Variants in FSIP1 observed in about 807,000 individuals in gnomAD.
FSIP1 encodes fibrous sheath interacting protein 1.
Under a neutral mutation model 60.9 loss-of-function variants are expected in FSIP1, and 65 were observed. That is an observed-to-expected ratio of 1.07 (90% confidence interval 0.87 to 1.31). The LOEUF is 1.31. FSIP1 is among the 40% of genes most tolerant of loss of function. The pLI is 0.00. For missense variants in FSIP1, 675 were observed against 665.5 expected (o/e 1.01, Z -0.16); for synonymous variants, 209 against 221.2 (o/e 0.94, Z 0.49).
intron 9 of FSIP1, among the ~76,000 whole-genome samples, chr15:39,715,050 T>C (rs1230733086): frequency 6.6e-6 from 1 of 151,722 alleles, no homozygotes; most frequent in Non-Finnish European, 1.5e-5. Flanking sequence ...ACTACTGACT[T>C]AGGTTGCTGC....
chr15:39,723,846 C>G (rs1186250414), intron 9 of FSIP1, among the ~76,000 whole-genome samples: 2 of 152,146 alleles, frequency 1.3e-5, no homozygotes, highest in Non-Finnish European at 2.9e-5. Context: ...AAAAGTAGTC[C>G]AATCCAAAAA....
At chr15:39,734,179 G>A (rs1385523727) in intron 8 of FSIP1, among the ~76,000 whole-genome samples, 1 of 152,126 alleles carries the variant, frequency 6.6e-6, no homozygotes, top group Non-Finnish European at 1.5e-5. Flanking sequence ...GATTTTGCAA[G>A]TAGAATTTAG....
At chr15:39,757,354 T>C (rs1897331519) in intron 5 of FSIP1, among the ~76,000 whole-genome samples, 1 of 152,054 alleles carries the variant, frequency 6.6e-6, no homozygotes, top group African/African-American at 2.4e-5. Flanking sequence ...ATACCAGGAA[T>C]ATGAGACTTT....
At chr15:39,769,265 C>G (rs964860984) in intron 3 of FSIP1, among the ~76,000 whole-genome samples, 4 of 143,774 alleles carry the variant, frequency 2.8e-5, no homozygotes, top group African/African-American at 1.0e-4. Context: ...GGCGACAGAG[C>G]GAGACTCCGT....
At chr15:39,710,404 A>C (rs1895450539) in intron 10 of FSIP1, among the ~76,000 whole-genome samples, 1 of 148,412 alleles carries the variant, frequency 6.7e-6, no homozygotes, top group Admixed American at 6.9e-5. Flanking sequence ...GACTACCTGC[A>C]CTCCAACTTG....
intron 11 of FSIP1, among the ~76,000 whole-genome samples, chr15:39,601,909 T>C (rs1890654418): frequency 6.6e-6 from 1 of 152,144 alleles, no homozygotes; most frequent in Non-Finnish European, 1.5e-5. Flanking sequence ...GGGAAGTGAT[T>C]ACTAATACCC....
intron 5 of FSIP1, among the ~76,000 whole-genome samples, chr15:39,756,504 T>A (rs781703039): frequency 6.6e-6 from 1 of 152,172 alleles, no homozygotes; most frequent in South Asian, 2.1e-4. Flanking sequence ...GCTTGGCTAA[T>A]TTTTAAATAT....
At position 39,770,582 on chromosome 15, in the gene FSIP1, C is replaced by T. The variant is rs369173704; in HGVS notation, c.155G>A (p.Gly52Asp). The change falls in exon 3 of 12, where the codon GGT (glycine) becomes GAT (aspartate). Residue 52 changes from glycine (G) to aspartate (D), a missense_variant. By Grantham distance (94) the Gly-to-Asp change is moderately conservative (BLOSUM62 -1). Coordinates refer to ENST00000350221, the MANE Select transcript of FSIP1 (RefSeq NM_152597.5). The part of the protein sequence containing the change: ...KVDTASNLNS[G>D]KEDHSESSNT... ...ACTGCTTTCGGAGTGGTCCTCTTTA[C>T]CAGAGTTCAAGTTGCTTGCAGTATC... 39 of 1,559,856 alleles carry T rather than the reference C, an allele frequency of 2.5e-5. No homozygotes were observed. The highest frequency in any genetic ancestry group is 3.1e-5 in the Non-Finnish European group (36 of 1,158,192).
chr15:39,745,573 C>T (rs1288765528), intron 5 of FSIP1, among the ~76,000 whole-genome samples: 1 of 152,038 alleles, frequency 6.6e-6, no homozygotes, highest in Non-Finnish European at 1.5e-5. Flanking sequence ...GCTCAGAGTC[C>T]CAGGTGGGAA....
chr15:39,781,952 C>G (rs1320147031), intron 1 of FSIP1, among the ~76,000 whole-genome samples: 1 of 152,194 alleles, frequency 6.6e-6, no homozygotes, highest in Non-Finnish European at 1.5e-5. Context: ...ATGGGTGAGG[C>G]TTACCATAAG....
chr15:39,748,196 G>A (rs16969789), intron 5 of FSIP1, among the ~76,000 whole-genome samples: 10,171 of 151,620 alleles, frequency 0.067, 788 homozygotes, highest in Admixed American at 0.21. Context: ...CAAATAATAC[G>A]CATTTTCTAC....
At chr15:39,782,576 T>TCGGCG (rs1387746885) in intron 1 of FSIP1, 52 bp downstream of exon 1, 1 of 138,330 alleles carries the variant, frequency 7.2e-6, no homozygotes, top group African/African-American at 2.7e-5. Flanking sequence ...CGCCCACTCC[T>TCGGCG]CGGCGCACCG....
At chr15:39,708,447 C>T (rs1420936291) in intron 10 of FSIP1, among the ~76,000 whole-genome samples, 2 of 152,308 alleles carry the variant, frequency 1.3e-5, no homozygotes, top group African/African-American at 2.4e-5. Context: ...ACCAGAAATA[C>T]GTCTCTTTTT....
intron 8 of FSIP1, 124 bp downstream of exon 8, chr15:39,737,967 T>C (rs1301796118): frequency 1.7e-6 from 1 of 595,964 alleles, no homozygotes; most frequent in Non-Finnish European, 2.8e-6. Context: ...AGGGTTTTTT[T>C]AAAATCAAAG....
At chr15:39,636,680 TACCCAA>T (rs1892152953) in intron 10 of FSIP1, among the ~76,000 whole-genome samples, 1 of 152,200 alleles carries the variant, frequency 6.6e-6, no homozygotes, top group Non-Finnish European at 1.5e-5. Context: ...TTTCTCTAAA[TACCCAA>T]ACCAAATACC....
intron 8 of FSIP1, among the ~76,000 whole-genome samples, chr15:39,728,150 T>C (rs534020376): frequency 1.3e-5 from 2 of 152,218 alleles, no homozygotes; most frequent in African/African-American, 4.8e-5. Context: ...CACAAACAAA[T>C]GGAAAAACAT....
At chr15:39,744,344 T>C (rs1237375507) in intron 5 of FSIP1, among the ~76,000 whole-genome samples, 3 of 152,056 alleles carry the variant, frequency 2.0e-5, no homozygotes, top group African/African-American at 7.2e-5. Flanking sequence ...ATTGAGCAAG[T>C]TTTTAATATG....
At chr15:39,624,485 T>C (rs1891559079) in intron 10 of FSIP1, among the ~76,000 whole-genome samples, 1 of 152,208 alleles carries the variant, frequency 6.6e-6, no homozygotes, top group Admixed American at 6.5e-5. Context: ...ATGCTCACAA[T>C]AGGCTCACAT....
At chr15:39,715,304 C>T (rs1895697485) in intron 9 of FSIP1, among the ~76,000 whole-genome samples, 1 of 152,128 alleles carries the variant, frequency 6.6e-6, no homozygotes, top group Non-Finnish European at 1.5e-5. Flanking sequence ...AAGCATATTT[C>T]CATAATATTC....
Sources: gnomAD v4.1 joint callset for allele counts (sites outside exome capture counted in the v4.1 genomes callset) on GRCh38, gnomAD v4.1.1 for gene constraint, MANE v1.5 for transcripts, NCBI Gene and HGNC (gene_info 2026-07-23, HGNC 2026-07-21) for gene names.